The following AKAP1 variants were observed in gnomAD, a reference collection of about 807,000 sequenced individuals.
The protein encoded by AKAP1 is A-kinase anchor protein 1, mitochondrial.
Under a neutral mutation model 79.8 loss-of-function variants are expected in AKAP1, and 32 were observed. The observed-to-expected ratio is 0.40, with a 90% confidence interval of 0.30 to 0.54. The LOEUF (loss-of-function observed/expected upper bound fraction) is 0.54, where lower values mean the gene tolerates loss of function less well. AKAP1 is among the 20% of genes least tolerant of loss of function. The pLI, the probability that AKAP1 is intolerant of heterozygous loss-of-function variation, is 0.47. For missense variants in AKAP1, 961 were observed against 1,138.9 expected (o/e 0.84, Z 2.25); for synonymous variants, 416 against 466.7 (o/e 0.89, Z 1.40).
At chr17:57,119,499 A>C (rs1178622044) in intron 10 of AKAP1, among the ~76,000 whole-genome samples, 2 of 152,110 alleles carry the variant, frequency 1.3e-5, no homozygotes, top group African/African-American at 4.8e-5. Flanking sequence ...AGATCACTTG[A>C]GGTCAGGAGT....
At chr17:57,102,152 G>T (rs760941287) in intron 1 of AKAP1, among the ~76,000 whole-genome samples, 94 of 152,324 alleles carry the variant, frequency 6.2e-4, no homozygotes, top group Middle Eastern at 3.4e-3. Context: ...GCCCAGGCTG[G>T]TGGCAACTCC....
At position 57,107,326 on chromosome 17, in the gene AKAP1, A is replaced by G. The variant is rs567521562; in HGVS notation, c.1714+148A>G. 9.7e-6 allele frequency: 11 copies of G among 1,128,670 alleles called. No homozygotes were observed. In the East Asian group the frequency reaches 2.0e-4, roughly 21 times the overall value. 69.9% of individuals were successfully genotyped at this position (1,128,670 alleles called of 1,614,324 possible). On this transcript the variant is annotated intron_variant, in intron 2 of 10. Transcript: ENST00000337714. ...TATCGCAACCTGCAGAGGTCTGGAC[A>G]CGGCGTAGAGCTGGTGGGTAACTGA...
Position 57,106,011 on chromosome 17 carries a change from C to G in AKAP1, c.547C>G (p.Pro183Ala). ...RVPRKVQPGY[P>A]VVPAEKRSSG... is the part of the protein sequence containing the mutation. ...GCCAAGGAAGGTCCAGCCAGGCTAC[C>G]CCGTAGTCCCCGCAGAGAAGCGTAG... Residue 183 changes from proline to alanine, a missense_variant, in exon 2 of 11, where the codon CCC becomes GCC. This residue lies in a region of AKAP1 where 224 missense variants were observed against 210.2 expected (regional missense o/e 1.07). Coordinates refer to ENST00000337714, the MANE Select transcript of AKAP1 (RefSeq NM_003488.4). 6.2e-7 allele frequency: 1 copy of G among 1,613,810 alleles called. No homozygotes were observed. The highest frequency in any genetic ancestry group is 8.5e-7 in the Non-Finnish European group (1 of 1,179,982).
At chr17:57,114,348 G>A in intron 5 of AKAP1, 111 bp from the exon 6 acceptor site, 1 of 1,327,856 alleles carries the variant, frequency 7.5e-7, no homozygotes, top group Non-Finnish European at 1.0e-6. Context: ...GTCTTGAGTT[G>A]CCCTTTTCAA....
chr17:57,105,924 G>C lies in AKAP1; in HGVS notation c.460G>C (p.Gly154Arg), dbSNP rs757577631. The C allele has an allele frequency of 6.2e-7, 1 of 1,614,226 alleles. No homozygotes were observed. The highest frequency in any genetic ancestry group is 2.2e-5 in the East Asian group (1 of 44,888). The change falls in exon 2 of 11, where the codon GGT becomes CGT. Residue 154 changes from glycine to arginine, a missense_variant. Around this residue, in one of 3 missense-constraint regions of AKAP1, gnomAD observed 224 missense variants for 210.2 expected, o/e 1.07. Coordinates refer to ENST00000337714, the MANE Select transcript of AKAP1 (RefSeq NM_003488.4). ...AGAGTGCCCCCTTTCATCCCCAAAGGGTGTACTATTCTCCAGCAAATCAGC... is the reference window on the plus strand; with the variant it reads ...AGAGTGCCCCCTTTCATCCCCAAAGCGTGTACTATTCTCCAGCAAATCAGC... The part of the protein sequence containing the change: ...PLECPLSSPK[G>R]VLFSSKSAEV...
Position 57,086,670 on chromosome 17 carries a change from G to A in AKAP1, c.-25+1272G>A, listed in dbSNP as rs907882271. On this transcript the variant is annotated intron_variant, in intron 1 of 10. Coordinates refer to ENST00000337714, the MANE Select transcript of AKAP1 (RefSeq NM_003488.4). The surrounding 1 kb of genome is among the most constrained non-coding windows in gnomAD (Gnocchi z 5.1). The stretch of plus-strand genomic sequence containing the variant: ...ATTTGTCTCCAGTGAAATCTAGGCT[G>A]CTGGACCTGGTGCAACAGTATCTGT... The A allele has an allele frequency of 1.9e-5, 6 of 319,142 alleles. No homozygotes were observed. Among genetic ancestry groups the A allele is most frequent in the Non-Finnish European group, 3.1e-5 (5 of 161,676 alleles). 19.8% of individuals were successfully genotyped at this position (319,142 alleles called of 1,614,324 possible).
intron 8 of AKAP1, 89 bp from the exon 9 acceptor site, chr17:57,118,292 A>AC (rs1346646131): frequency 1.6e-6 from 2 of 1,229,624 alleles, no homozygotes; most frequent in Non-Finnish European, 2.4e-6. Flanking sequence ...GAAGCATTCT[A>AC]CTTGGAATGC....
At chr17:57,117,923 TG>T (rs1355337266) in intron 8 of AKAP1, among the ~76,000 whole-genome samples, 1 of 152,150 alleles carries the variant, frequency 6.6e-6, no homozygotes, top group Non-Finnish European at 1.5e-5. Context: ...GCCAACTGCC[TG>T]GGTTTGATTC....
intron 1 of AKAP1, among the ~76,000 whole-genome samples, chr17:57,087,327 A>G (rs1913521518): frequency 6.6e-6 from 1 of 152,206 alleles, no homozygotes; most frequent in East Asian, 1.9e-4. Flanking sequence ...TTTCTAGGAA[A>G]TGCATTCTCA....
intron 8 of AKAP1, among the ~76,000 whole-genome samples, chr17:57,118,091 G>A (rs1049863468): frequency 6.6e-6 from 1 of 152,138 alleles, no homozygotes; most frequent in Admixed American, 6.5e-5. Flanking sequence ...GGGTGGGGGT[G>A]GTGCTGCTGC....
At chr17:57,115,421 T>A (rs1915521035) in intron 6 of AKAP1, among the ~76,000 whole-genome samples, 1 of 152,180 alleles carries the variant, frequency 6.6e-6, no homozygotes, top group Non-Finnish European at 1.5e-5. Flanking sequence ...AGGGGTTCTC[T>A]CCAAGGGTCA....
At chr17:57,096,821 G>A (rs1914143006) in intron 1 of AKAP1, 3 of 152,242 alleles carry the variant, frequency 2.0e-5, no homozygotes, top group African/African-American at 7.2e-5. Context: ...GGCCTTCTGG[G>A]AACACCCTTT....
intron 1 of AKAP1, among the ~76,000 whole-genome samples, chr17:57,089,536 C>T (rs540688203): frequency 2.0e-3 from 303 of 152,194 alleles, no homozygotes; most frequent in Non-Finnish European, 2.7e-3. Context: ...TAGTGGCTGC[C>T]GTCCTGGTCA....
At chr17:57,114,893 T>A (rs878901162) in intron 6 of AKAP1, among the ~76,000 whole-genome samples, 3 of 149,884 alleles carry the variant, frequency 2.0e-5, no homozygotes, top group Non-Finnish European at 4.5e-5. Context: ...TTTTTTTTTT[T>A]AATTTTTTCT....
At position 57,120,432 on chromosome 17, in the gene AKAP1, CCTTT is replaced by C; in HGVS notation, c.*115_*118del. Reference sequence around the variant, plus strand: ...ACAAACATTGTCCTCTCCAGAAAGTCCTTTCTTTCTCCATACTGTAGTCCTATTG... The same window carrying C: ...ACAAACATTGTCCTCTCCAGAAAGTCCTTTCTCCATACTGTAGTCCTATTG... On this transcript the variant is annotated 3_prime_UTR_variant, in exon 11 of 11. Coordinates refer to ENST00000337714, the MANE Select transcript of AKAP1 (RefSeq NM_003488.4). 1 of 992,230 alleles carries C rather than the reference CCTTT, an allele frequency of 1.0e-6. No homozygotes were observed. Among genetic ancestry groups the C allele is most frequent in the Non-Finnish European group, 1.5e-6 (1 of 661,410 alleles). The allele number at this position is 992,230 out of a possible 1,614,324, so 61.5% of individuals were successfully genotyped here.
intron 1 of AKAP1, chr17:57,095,751 T>G (rs1389788024): frequency 6.6e-6 from 1 of 152,204 alleles, no homozygotes. Context: ...TCTTTTCTGA[T>G]GTCTTTACTG....
At chr17:57,093,646 G>A (rs896539718) in intron 1 of AKAP1, 2 of 152,314 alleles carry the variant, frequency 1.3e-5, no homozygotes, top group Middle Eastern at 6.8e-3. Flanking sequence ...TGTGGTAATA[G>A]AGCATGCATT....
chr17:57,092,843 G>C (rs1384843150), intron 1 of AKAP1: 3 of 152,186 alleles, frequency 2.0e-5, no homozygotes, highest in Non-Finnish European at 2.9e-5. Context: ...TTTTCTGAGA[G>C]CCATGCTCTG....
chr17:57,106,116 G>T lies in AKAP1; in HGVS notation c.652G>T (p.Ala218Ser). 1 of 1,606,986 alleles carries T rather than the reference G, an allele frequency of 6.2e-7. No homozygotes were observed. Among genetic ancestry groups the T allele is most frequent in the Non-Finnish European group, 8.5e-7 (1 of 1,175,588 alleles). The stretch of plus-strand genomic sequence containing the variant: ...GTTGGGGGAAAAGGTGCTTGAAGAA[G>T]CTCTGTTGTCTCGGGAGCATGTCTT... ...AVLGEKVLEE[A>S]LLSREHVLEL... is the part of the protein sequence containing the mutation. Residue 218 changes from alanine to serine, a missense_variant, in exon 2 of 11, where the codon GCT becomes TCT. By Grantham distance (99) the Ala-to-Ser change is moderately conservative. Around this residue, in one of 3 missense-constraint regions of AKAP1, gnomAD observed 224 missense variants for 210.2 expected, o/e 1.07. Transcript: ENST00000337714.
Sources: allele counts gnomAD v4.1 joint callset (sites outside exome capture counted in the v4.1 genomes callset), GRCh38; gene constraint gnomAD v4.1.1; regional missense constraint gnomAD v4.1.1; non-coding constraint Gnocchi (gnomAD v3.1); transcripts MANE v1.5; gene names NCBI Gene and HGNC (gene_info 2026-07-23, HGNC 2026-07-21).